COL4A5: variants seen among roughly 807,000 people sequenced by gnomAD.
COL4A5 encodes collagen alpha-5(IV) chain.
COL4A5 carries 26 observed loss-of-function variants against 130.2 expected under a neutral mutation model. The observed-to-expected ratio is 0.20, with a 90% CI of 0.15 to 0.28. COL4A5 has a LOEUF of 0.28. COL4A5 is among the 10% of genes least tolerant of loss of function. The probability of loss-of-function intolerance (pLI) is 1.00; values close to 1 mark genes in which losing one functional copy is unlikely to be tolerated. For missense variants in COL4A5, 1,131 were observed against 1,344.3 expected (o/e 0.84, Z 2.48); for synonymous variants, 496 against 439.6 (o/e 1.13, Z -1.60).
chrX:108,680,955 A>G lies in COL4A5; in HGVS notation c.4086A>G (p.Pro1362=), dbSNP rs1169749414. ...PEGEPGLIGP[P]GPPGLPGPSG... ...GGGAACCGGGACTTATTGGTCCTCC[A>G]GGTAAGACTTATTCCTGAAGATAGT... Residue 1362 remains proline, a splice_region_variant and synonymous_variant, in exon 46 of 53, where the codon CCA becomes CCG. Coordinates refer to ENST00000328300, the MANE Select transcript of COL4A5 (RefSeq NM_033380.3). The G allele has an allele frequency of 1.2e-5, 14 of 1,199,567 alleles. No homozygotes were observed. The highest frequency in any genetic ancestry group is 8.7e-5 in the Admixed American group (4 of 45,952).
intron 1 of COL4A5, among the ~76,000 whole-genome samples, chrX:108,519,324 C>A (rs1399034823): frequency 5.4e-5 from 6 of 110,876 alleles, no homozygotes; most frequent in Non-Finnish European, 1.1e-4. Context: ...ATGGGAGTGG[C>A]CATTGCATGG....
At chrX:108,551,294 G>A (rs2065749065) in intron 2 of COL4A5, among the ~76,000 whole-genome samples, 1 of 110,839 alleles carries the variant, frequency 9.0e-6, no homozygotes, top group Admixed American at 9.6e-5. Flanking sequence ...AAACAATTCA[G>A]CAAGAAAATA....
chrX:108,620,380 A>G lies in COL4A5; in HGVS notation c.2631A>G (p.Pro877=), dbSNP rs777645977. 1 of 1,209,481 alleles carries G rather than the reference A, an allele frequency of 8.3e-7. No individual in the cohort carries two copies. The highest frequency in any genetic ancestry group is 1.8e-5 in the South Asian group (1 of 56,894). The change falls in exon 31 of 53, where the codon CCA becomes CCG. Residue 877 remains proline, a synonymous_variant. Coordinates refer to ENST00000328300, the MANE Select transcript of COL4A5 (RefSeq NM_033380.3). ...IPGAPGPIGP[P]GSPGLPGKAG... The stretch of plus-strand genomic sequence containing the variant: ...GAGCACCTGGTCCTATAGGACCTCC[A>G]GGATCACCAGGGCTTCCAGGAAAAG...
intron 1 of COL4A5, among the ~76,000 whole-genome samples, chrX:108,508,529 A>G (rs1016444106): frequency 9.6e-6 from 1 of 104,515 alleles, no homozygotes; most frequent in Non-Finnish European, 2.0e-5. Flanking sequence ...CAGAACTAGA[A>G]AAAACTAGTT....
chrX:108,635,974 A>G (rs1006107694), intron 36 of COL4A5, among the ~76,000 whole-genome samples: 1 of 112,203 alleles, frequency 8.9e-6, no homozygotes. Flanking sequence ...GGGTATTCCC[A>G]AAAGGGGTAA....
intron 36 of COL4A5, among the ~76,000 whole-genome samples, chrX:108,636,799 T>A (rs1457775234): frequency 9.0e-6 from 1 of 111,324 alleles, no homozygotes; most frequent in Non-Finnish European, 1.9e-5. Context: ...AGCATATATT[T>A]TTTAATCATG....
At chrX:108,493,935 G>T (rs1001298180) in intron 1 of COL4A5, among the ~76,000 whole-genome samples, 16 of 111,172 alleles carry the variant, frequency 1.4e-4, no homozygotes, top group Non-Finnish European at 1.9e-5. Context: ...ATGCCTGAAA[G>T]ACCTTAAAAT....
intron 46 of COL4A5, 32 bp downstream of exon 46, chrX:108,680,988 G>T (rs1366211343): frequency 2.3e-5 from 26 of 1,107,105 alleles, no homozygotes; most frequent in Non-Finnish European, 3.1e-5. Flanking sequence ...AGTTATACCT[G>T]ATACTTAGAT....
chrX:108,636,564 T>C (rs969363169), intron 36 of COL4A5, among the ~76,000 whole-genome samples: 2 of 111,153 alleles, frequency 1.8e-5, no homozygotes, highest in Admixed American at 2.0e-4. Flanking sequence ...AAAGGATTTG[T>C]ATACAGAATA....
At position 108,564,735 on chromosome X, in the gene COL4A5, A is replaced by G. The variant is rs1038938876; in HGVS notation, c.276+809A>G. Among the ~76,000 whole-genome samples, 50 of 112,030 alleles carry G rather than the reference A, an allele frequency of 4.5e-4. 1 individual carries two copies. In the Admixed American group the frequency reaches 4.7e-3, roughly 11 times the overall value. On this transcript the variant is annotated intron_variant, in intron 4 of 52. Coordinates refer to ENST00000328300, the MANE Select transcript of COL4A5 (RefSeq NM_033380.3). ...TGTTCATAGATTGATGAAGCTCTCT[A>G]ATTTGAAAATAAAATATATAGTTGG...
Position 108,591,583 on chromosome X carries a change from C to T in COL4A5, c.1362C>T (p.Gly454=), listed in dbSNP as rs1228434706. The T allele has an allele frequency of 8.3e-7, 1 of 1,206,488 alleles. No individual in the cohort carries two copies. The highest frequency in any genetic ancestry group is 1.1e-6 in the Non-Finnish European group (1 of 890,947). The change falls in exon 21 of 53, where the codon GGC becomes GGT. Residue 454 remains glycine, a synonymous_variant. Coordinates refer to ENST00000328300, the MANE Select transcript of COL4A5 (RefSeq NM_033380.3). ...CAGGTGATGAGATATGTGAACCAGG[C>T]CCTCCAGGCCCCCCAGGATCTCCAG... ...IPPSDEICEP[G]PPGPPGSPGD...
chrX:108,683,508 G>T (rs937309744), intron 47 of COL4A5, among the ~76,000 whole-genome samples: 3 of 111,245 alleles, frequency 2.7e-5, no homozygotes, highest in Non-Finnish European at 5.7e-5. Flanking sequence ...TCATGATATT[G>T]ATTCTTCCTA....
chrX:108,504,478 C>G (rs2147574245), intron 1 of COL4A5, among the ~76,000 whole-genome samples: 1 of 111,877 alleles, frequency 8.9e-6, no homozygotes, highest in Non-Finnish European at 1.9e-5. Context: ...TATTTGTAAA[C>G]TATGCATCTG....
chrX:108,658,572 G>C (rs1381509042), intron 37 of COL4A5, among the ~76,000 whole-genome samples: 1 of 111,034 alleles, frequency 9.0e-6, no homozygotes, highest in African/African-American at 3.3e-5. Flanking sequence ...TTAAATTACA[G>C]ATTAAAAGTC....
Position 108,686,081 on chromosome X carries a change from G to A in COL4A5, c.4267G>A (p.Asp1423Asn), listed in dbSNP as rs374994365. 3.1e-5 allele frequency: 37 copies of A among 1,209,283 alleles called. No homozygotes were observed. Among genetic ancestry groups the A allele is most frequent in the Middle Eastern group, 2.3e-4 (1 of 4,326 alleles). ...DPGRNGLPGF[D>N]GAGGRKGDPG... The stretch of plus-strand genomic sequence containing the variant: ...TGGACGCAATGGACTCCCTGGCTTT[G>A]ATGGTGCAGGAGGGCGCAAAGGAGA... The change falls in exon 48 of 53, where the codon GAT (aspartate) becomes AAT (asparagine). Residue 1423 changes from aspartate (D) to asparagine (N), a missense_variant. By Grantham distance (23) the Asp-to-Asn change is conservative. Transcript: ENST00000328300.
intron 1 of COL4A5, among the ~76,000 whole-genome samples, chrX:108,453,435 A>G (rs1259964562): frequency 4.5e-5 from 5 of 110,050 alleles, no homozygotes; most frequent in African/African-American, 1.6e-4. Context: ...TCTTCCCACT[A>G]TTTTTTTTTG....
At chrX:108,494,851 G>C (rs1391065521) in intron 1 of COL4A5, among the ~76,000 whole-genome samples, 1 of 111,400 alleles carries the variant, frequency 9.0e-6, no homozygotes, top group African/African-American at 3.3e-5. Flanking sequence ...TGAATACTTA[G>C]ACTTTCACTT....
chrX:108,557,402 G>A (rs2147717132), intron 2 of COL4A5, among the ~76,000 whole-genome samples: 1 of 111,697 alleles, frequency 9.0e-6, no homozygotes, highest in East Asian at 2.8e-4. Flanking sequence ...AAAACAACAA[G>A]GGGATATATG....
At position 108,664,647 on chromosome X, in the gene COL4A5, T is replaced by C. The variant is rs143455670; in HGVS notation, c.3374-860T>C. Among the ~76,000 whole-genome samples the C allele has an allele frequency of 7.4e-3, 834 of 112,020 alleles. 5 individuals carry two copies. Among genetic ancestry groups the C allele is most frequent in the African/African-American group, 0.026 (796 of 30,871 alleles). On this transcript the variant is annotated intron_variant, in intron 37 of 52. Coordinates refer to ENST00000328300, the MANE Select transcript of COL4A5 (RefSeq NM_033380.3). ...AAAGCCACAGACAAGGAGAAAATAT[T>C]TGCAAAACATAACTGACAAATTACT...
Sources: gnomAD v4.1 joint callset for allele counts (sites outside exome capture counted in the v4.1 genomes callset) on GRCh38, gnomAD v4.1.1 for gene constraint, MANE v1.5 for transcripts, NCBI Gene and HGNC (gene_info 2026-07-23, HGNC 2026-07-21) for gene names.